Variants in ABTB3 observed in about 807,000 individuals in gnomAD.
The protein encoded by ABTB3 is ankyrin repeat- and BTB/POZ domain-containing protein 3.
chr12:107,466,094 A>G, the ABTB3 span, among the ~76,000 whole-genome samples: 1 of 152,020 alleles, frequency 6.6e-6, no homozygotes, highest in Non-Finnish European at 1.5e-5. Context: ...TGCCTTTAAT[A>G]TCCTCGGGGG....
the ABTB3 span, among the ~76,000 whole-genome samples, chr12:107,387,955 T>TCG: frequency 2.2e-5 from 3 of 135,054 alleles, no homozygotes; most frequent in Non-Finnish European, 4.7e-5. Context: ...TTTTCTCCTC[T>TCG]TCTTCTTCTT....
chr12:107,608,821 T>C, the ABTB3 span, among the ~76,000 whole-genome samples: 2 of 150,940 alleles, frequency 1.3e-5, no homozygotes, highest in Admixed American at 6.6e-5. Flanking sequence ...CAGTGAGCTA[T>C]GATTGCACCA....
chr12:107,513,823 GAC>G, the ABTB3 span, among the ~76,000 whole-genome samples: 1 of 152,216 alleles, frequency 6.6e-6, no homozygotes. Flanking sequence ...CTCTATCAGA[GAC>G]ACAGTGCCAG....
chr12:107,596,723 G>T, the ABTB3 span, among the ~76,000 whole-genome samples: 1 of 152,040 alleles, frequency 6.6e-6, no homozygotes, highest in African/African-American at 2.4e-5. Flanking sequence ...TTTCCCCTCT[G>T]CATCCAGGCC....
At chr12:107,640,704 C>A in the ABTB3 span, among the ~76,000 whole-genome samples, 1 of 152,246 alleles carries the variant, frequency 6.6e-6, no homozygotes, top group Non-Finnish European at 1.5e-5. Flanking sequence ...GAGACCCCCA[C>A]ACACAGGAGC....
At chr12:107,583,935 C>G in the ABTB3 span, among the ~76,000 whole-genome samples, 1 of 152,054 alleles carries the variant, frequency 6.6e-6, no homozygotes, top group African/African-American at 2.4e-5. Flanking sequence ...ATTGATTGTT[C>G]GAGCTAAATT....
the ABTB3 span, among the ~76,000 whole-genome samples, chr12:107,567,618 G>C: frequency 1.3e-4 from 20 of 152,170 alleles, no homozygotes; most frequent in Non-Finnish European, 1.5e-5. Flanking sequence ...CCGCAGACCA[G>C]TACTGTTCCA....
chr12:107,363,927 C>T, the ABTB3 span, among the ~76,000 whole-genome samples: 2 of 152,200 alleles, frequency 1.3e-5, no homozygotes, highest in East Asian at 1.9e-4. Flanking sequence ...GCTATATGAT[C>T]TTAGGCAAGT....
the ABTB3 span, among the ~76,000 whole-genome samples, chr12:107,369,706 G>GTTT: frequency 2.8e-4 from 21 of 74,776 alleles, 1 homozygote; most frequent in African/African-American, 8.7e-4. Context: ...GCCCAAACAT[G>GTTT]GTTTTTTTTT....
the ABTB3 span, among the ~76,000 whole-genome samples, chr12:107,426,937 C>T: frequency 6.6e-6 from 1 of 152,190 alleles, no homozygotes. Context: ...CCTTATTCTC[C>T]TGCTTTTTTC....
the ABTB3 span, among the ~76,000 whole-genome samples, chr12:107,469,944 CTTT>C: frequency 2.7e-3 from 97 of 35,626 alleles, 5 homozygotes; most frequent in Non-Finnish European, 4.5e-3. Flanking sequence ...CTTTCTTTCT[CTTT>C]CTTTCTTTCT....
At chr12:107,524,040 C>T in the ABTB3 span, among the ~76,000 whole-genome samples, 1 of 152,212 alleles carries the variant, frequency 6.6e-6, no homozygotes, top group Non-Finnish European at 1.5e-5. Flanking sequence ...ATTTGCTAAA[C>T]AAATCTGCTC....
chr12:107,461,886 G>A, the ABTB3 span, among the ~76,000 whole-genome samples: 1 of 152,136 alleles, frequency 6.6e-6, no homozygotes, highest in African/African-American at 2.4e-5. Flanking sequence ...AGAGACAGCT[G>A]GAATTCAAAT....
At chr12:107,368,763 C>T in the ABTB3 span, among the ~76,000 whole-genome samples, 168 of 152,300 alleles carry the variant, frequency 1.1e-3, no homozygotes, top group African/African-American at 3.9e-3. Flanking sequence ...CAATATTACT[C>T]AACATTGTAA....
the ABTB3 span, among the ~76,000 whole-genome samples, chr12:107,370,713 C>G: frequency 6.6e-6 from 1 of 150,454 alleles, no homozygotes; most frequent in East Asian, 1.9e-4. Context: ...CCATGCAAAG[C>G]CAGCTCTGTG....
At chr12:107,581,219 C>T in the ABTB3 span, 3 of 1,535,608 alleles carry the variant, frequency 2.0e-6, no homozygotes, top group Admixed American at 2.0e-5. Flanking sequence ...CGGCCACCGC[C>T]GCAGCTTCTC....
the ABTB3 span, among the ~76,000 whole-genome samples, chr12:107,574,347 T>A: frequency 6.6e-6 from 1 of 152,230 alleles, no homozygotes; most frequent in Non-Finnish European, 1.5e-5. Flanking sequence ...CTGACTTGAG[T>A]CATGATTCTC....
chr12:107,508,515 C>CATGAT, the ABTB3 span, among the ~76,000 whole-genome samples: 2 of 126,888 alleles, frequency 1.6e-5, no homozygotes, highest in Non-Finnish European at 3.1e-5. Context: ...GGTGCAGTGG[C>CATGAT]ATGATCTCGG....
the ABTB3 span, among the ~76,000 whole-genome samples, chr12:107,511,848 G>A: frequency 6.6e-6 from 1 of 152,118 alleles, no homozygotes; most frequent in African/African-American, 2.4e-5. Context: ...CTTAATTCTG[G>A]AGCAAGCAAC....
Sources: gnomAD v4.1 joint callset for allele counts (sites outside exome capture counted in the v4.1 genomes callset) on GRCh38, gnomAD v4.1.1 for gene constraint, MANE v1.5 for transcripts, NCBI Gene and HGNC (gene_info 2026-07-23, HGNC 2026-07-21) for gene names.